Variants in FAF2 observed in about 807,000 individuals in gnomAD.
FAF2 encodes FAS-associated factor 2.
A neutral mutation model predicts 62.3 loss-of-function variants in FAF2; 9 were observed. The ratio of observed to expected loss-of-function variants is 0.14; its 90% CI spans 0.09 to 0.25. The LOEUF is 0.25. Ranked by LOEUF, FAF2 falls within the 10% of genes least tolerant of loss-of-function variation. The probability of loss-of-function intolerance (pLI) is 1.00; values close to 1 mark genes in which losing one functional copy is unlikely to be tolerated. For missense variants in FAF2, 368 were observed against 556.2 expected (o/e 0.66, Z 3.40); for synonymous variants, 202 against 198.0 (o/e 1.02, Z -0.17).
At chr5:176,477,015 A>G (rs1027744334) in intron 1 of FAF2, among the ~76,000 whole-genome samples, 6 of 150,834 alleles carry the variant, frequency 4.0e-5, no homozygotes, top group African/African-American at 1.2e-4. Context: ...TCACCATGTT[A>G]GCCAGGATGG....
In FAF2 at chr5:176,453,873, G is replaced by A. The variant is rs112207222; in HGVS notation, c.63+5403G>A. Among the ~76,000 whole-genome samples, 604 of 151,606 alleles carry A rather than the reference G, an allele frequency of 4.0e-3. 5 individuals are homozygous for A. The highest frequency in any genetic ancestry group is 0.014 in the African/African-American group (579 of 41,360). ...GTTCAAGACCAGCCTAGACAACATG[G>A]TGAAACCCCGTCTCTACTAAAAATA... On this transcript the variant is annotated intron_variant, in intron 1 of 10. Transcript: ENST00000261942.
chr5:176,483,255 C>T (rs1293557116), intron 2 of FAF2, among the ~76,000 whole-genome samples: 2 of 152,032 alleles, frequency 1.3e-5, no homozygotes, highest in Non-Finnish European at 2.9e-5. Flanking sequence ...AAAAGTTTTT[C>T]GTTTTGATGA....
chr5:176,486,568 C>A, intron 3 of FAF2, 79 bp downstream of exon 3: 1 of 1,423,890 alleles, frequency 7.0e-7, no homozygotes, highest in Non-Finnish European at 9.7e-7. Context: ...CTCCCTGTGA[C>A]AGGAGCAAAA....
At chr5:176,489,099 T>C in intron 4 of FAF2, 72 bp downstream of exon 4, 1 of 1,153,496 alleles carries the variant, frequency 8.7e-7, no homozygotes. Context: ...CAAAATAAGC[T>C]TTATGCTCTA....
intron 1 of FAF2, among the ~76,000 whole-genome samples, chr5:176,451,777 TG>T: frequency 1.2e-5 from 1 of 80,936 alleles, no homozygotes; most frequent in Admixed American, 1.6e-4. Context: ...TATATATACG[TG>T]TGTGTGTGTA....
At chr5:176,503,037 G>A (rs1755621384) in intron 10 of FAF2, among the ~76,000 whole-genome samples, 1 of 150,900 alleles carries the variant, frequency 6.6e-6, no homozygotes, top group Non-Finnish European at 1.5e-5. Flanking sequence ...GACAGAGCGA[G>A]GCTGTGTCTC....
chr5:176,452,010 T>G (rs1389386529), intron 1 of FAF2, among the ~76,000 whole-genome samples: 2 of 140,084 alleles, frequency 1.4e-5, no homozygotes, highest in African/African-American at 5.2e-5. Flanking sequence ...CAAGTGATCC[T>G]CCCACCTCAG....
At chr5:176,474,821 G>A (rs1437691441) in intron 1 of FAF2, among the ~76,000 whole-genome samples, 1 of 152,134 alleles carries the variant, frequency 6.6e-6, no homozygotes, top group African/African-American at 2.4e-5. Context: ...GGTTTGTTTT[G>A]ACCAGTCTCC....
intron 1 of FAF2, among the ~76,000 whole-genome samples, chr5:176,449,091 C>T (rs926097591): frequency 6.6e-6 from 1 of 152,168 alleles, no homozygotes; most frequent in African/African-American, 2.4e-5. Flanking sequence ...TTCCTGGATT[C>T]CTGTGCTTAA....
intron 2 of FAF2, among the ~76,000 whole-genome samples, chr5:176,485,754 G>A (rs7713154): frequency 0.077 from 11,753 of 152,102 alleles, 632 homozygotes; most frequent in Non-Finnish European, 0.12. Flanking sequence ...TTTAGAGACA[G>A]GGTCTCGTTT....
Position 176,457,653 on chromosome 5 carries a change from GGTGT to G in FAF2, c.63+9202_63+9205del, listed in dbSNP as rs34549094. Among the ~76,000 whole-genome samples the G allele has an allele frequency of 1.9e-4, 29 of 150,090 alleles. No homozygotes were observed. In the South Asian group the frequency reaches 4.2e-3, roughly 22 times the overall value. On this transcript the variant is annotated intron_variant, in intron 1 of 10. Transcript: ENST00000261942. Reference sequence around the variant, plus strand: ...TTATTTGATTTGAACTGTTTTCAGGGGTGTGTGTGTGTGTGTGTGTGTTTAATAC... The same window carrying G: ...TTATTTGATTTGAACTGTTTTCAGGGGTGTGTGTGTGTGTGTGTTTAATAC...
chr5:176,469,538 A>G (rs1425047129), intron 1 of FAF2, among the ~76,000 whole-genome samples: 2 of 152,250 alleles, frequency 1.3e-5, no homozygotes, highest in African/African-American at 4.8e-5. Context: ...GGCTTGAGAC[A>G]TACTTAGCAT....
intron 8 of FAF2, among the ~76,000 whole-genome samples, chr5:176,498,665 G>T (rs189955427): frequency 6.6e-6 from 1 of 152,272 alleles, no homozygotes; most frequent in African/African-American, 2.4e-5. Context: ...TAGGGGAAAA[G>T]TTTTATTTTA....
chr5:176,506,507 G>C (rs777887507), intron 10 of FAF2, among the ~76,000 whole-genome samples: 8 of 152,154 alleles, frequency 5.3e-5, no homozygotes, highest in Non-Finnish European at 1.0e-4. Flanking sequence ...CATTTTATCA[G>C]ACACCTCAAA....
chr5:176,451,481 A>C (rs1351403784), intron 1 of FAF2, among the ~76,000 whole-genome samples: 1 of 151,968 alleles, frequency 6.6e-6, no homozygotes, highest in Non-Finnish European at 1.5e-5. Context: ...GAGTTGCCTC[A>C]GTGTTGAGAT....
intron 3 of FAF2, among the ~76,000 whole-genome samples, chr5:176,487,936 A>G (rs188929171): frequency 3.6e-3 from 544 of 151,910 alleles, no homozygotes; most frequent in Non-Finnish European, 6.6e-3. Flanking sequence ...TCAGCTTCCC[A>G]GGTTCAAGCG....
intron 1 of FAF2, among the ~76,000 whole-genome samples, chr5:176,463,732 T>G (rs944782928): frequency 2.6e-5 from 4 of 151,626 alleles, no homozygotes; most frequent in African/African-American, 9.7e-5. Flanking sequence ...ATGTTTTTTT[T>G]TTTTTTTTTT....
At chr5:176,451,563 A>G (rs1758169891) in intron 1 of FAF2, among the ~76,000 whole-genome samples, 1 of 151,120 alleles carries the variant, frequency 6.6e-6, no homozygotes. Flanking sequence ...TAAAGGGTTA[A>G]TCTTGTTCAT....
At chr5:176,454,084 C>G (rs1274287958) in intron 1 of FAF2, among the ~76,000 whole-genome samples, 1 of 146,136 alleles carries the variant, frequency 6.8e-6, no homozygotes, top group Non-Finnish European at 1.5e-5. Flanking sequence ...TTATCTAGTT[C>G]ACAACATTCT....
Sources: allele counts gnomAD v4.1 joint callset (sites outside exome capture counted in the v4.1 genomes callset), GRCh38; gene constraint gnomAD v4.1.1; transcripts MANE v1.5; gene names NCBI Gene and HGNC (gene_info 2026-07-23, HGNC 2026-07-21).